The following SLC35F4 variants were observed in gnomAD, a reference collection of about 807,000 sequenced individuals.
SLC35F4 encodes chromosome 14 open reading frame 36.
SLC35F4 carries 24 observed loss-of-function variants against 44.2 expected under a neutral mutation model. That is an observed-to-expected ratio of 0.54 (90% confidence interval 0.39 to 0.76). The LOEUF (loss-of-function observed/expected upper bound fraction) is 0.76, where lower values mean the gene tolerates loss of function less well. Ranked by LOEUF, SLC35F4 falls within the 30% of genes least tolerant of loss-of-function variation. SLC35F4 has a pLI of 0.00. For synonymous variants in SLC35F4, 238 were observed against 223.6 expected (o/e 1.06, Z -0.57); for missense variants, 562 against 586.1 (o/e 0.96, Z 0.42).
chr14:57,770,599 C>T (rs1260694459), intron 1 of SLC35F4, among the ~76,000 whole-genome samples: 2 of 152,278 alleles, frequency 1.3e-5, no homozygotes, highest in South Asian at 2.1e-4. Flanking sequence ...TTCACAGCCT[C>T]TCTCTTCCTT....
chr14:57,868,265 C>T (rs372950776), upstream of SLC35F4, among the ~76,000 whole-genome samples: 67 of 152,144 alleles, frequency 4.4e-4, no homozygotes, highest in African/African-American at 1.5e-3. Context: ...AATAGGATGA[C>T]CAAAATAGTA....
intron 1 of SLC35F4, chr14:57,630,601 G>T: frequency 1.2e-6 from 1 of 865,174 alleles, no homozygotes; most frequent in East Asian, 2.5e-5. Flanking sequence ...GAACCACCTA[G>T]ATCCAAATCT....
At chr14:57,668,888 G>C (rs954765798) in intron 1 of SLC35F4, among the ~76,000 whole-genome samples, 15 of 152,038 alleles carry the variant, frequency 9.9e-5, no homozygotes, top group Non-Finnish European at 1.6e-4. Context: ...TAGCTTGATG[G>C]GGATGGCATT....
At chr14:57,923,987 T>G (rs1889495239) in intron 1 of SLC35F4, among the ~76,000 whole-genome samples, 1 of 152,334 alleles carries the variant, frequency 6.6e-6, no homozygotes, top group Admixed American at 6.5e-5. Flanking sequence ...TCCTGTGCTG[T>G]TCTCATAATA....
intron 1 of SLC35F4, among the ~76,000 whole-genome samples, chr14:57,720,720 C>G (rs2076062693): frequency 6.6e-6 from 1 of 151,988 alleles, no homozygotes; most frequent in African/African-American, 2.4e-5. Flanking sequence ...CTGGGAAAGA[C>G]AGACCCATTG....
At chr14:57,854,426 T>C (rs538414416) in intron 1 of SLC35F4, among the ~76,000 whole-genome samples, 1 of 152,352 alleles carries the variant, frequency 6.6e-6, no homozygotes, top group South Asian at 2.1e-4. Flanking sequence ...GTCTGTTACA[T>C]TTGTGGCTAC....
At chr14:57,790,081 G>A (rs1441676853) in intron 1 of SLC35F4, among the ~76,000 whole-genome samples, 2 of 152,158 alleles carry the variant, frequency 1.3e-5, no homozygotes, top group Admixed American at 6.5e-5. Context: ...TTGAAAAGTG[G>A]CATAAGACAA....
At chr14:57,715,481 G>T (rs1010766893) in intron 1 of SLC35F4, among the ~76,000 whole-genome samples, 1 of 152,168 alleles carries the variant, frequency 6.6e-6, no homozygotes, top group African/African-American at 2.4e-5. Flanking sequence ...ATCTCTATGA[G>T]ATCAAAGGGC....
chr14:57,942,458 T>C (rs1398388191), intron 1 of SLC35F4, among the ~76,000 whole-genome samples: 1 of 152,216 alleles, frequency 6.6e-6, no homozygotes, highest in Non-Finnish European at 1.5e-5. Flanking sequence ...GTAGGTGAGA[T>C]AACTTCAGAT....
At chr14:57,572,375 A>G (rs1289521159) in intron 4 of SLC35F4, among the ~76,000 whole-genome samples, 1 of 152,108 alleles carries the variant, frequency 6.6e-6, no homozygotes, top group Non-Finnish European at 1.5e-5. Flanking sequence ...AAGCGTTTTC[A>G]TCTCTTCTGT....
chr14:57,735,759 A>G (rs2076448595), intron 1 of SLC35F4, among the ~76,000 whole-genome samples: 1 of 150,892 alleles, frequency 6.6e-6, no homozygotes, highest in African/African-American at 2.5e-5. Flanking sequence ...GCTTCACTCT[A>G]TCACTCAGGC....
At chr14:57,863,149 G>A (rs923733274) in intron 1 of SLC35F4, among the ~76,000 whole-genome samples, 1 of 152,218 alleles carries the variant, frequency 6.6e-6, no homozygotes, top group African/African-American at 2.4e-5. Flanking sequence ...TTACAGACAT[G>A]AGCCACTGCA....
intron 1 of SLC35F4, among the ~76,000 whole-genome samples, chr14:57,672,788 T>A (rs953911787): frequency 1.3e-5 from 2 of 151,816 alleles, no homozygotes; most frequent in Admixed American, 1.3e-4. Context: ...ATTTTATTTT[T>A]TTTTTTTCAC....
At chr14:57,772,796 G>C (rs1331169853) in intron 1 of SLC35F4, among the ~76,000 whole-genome samples, 14 of 152,280 alleles carry the variant, frequency 9.2e-5, no homozygotes, top group African/African-American at 3.4e-4. Context: ...TTCATATTGT[G>C]AATAGTGCTG....
chr14:57,757,307 C>G (rs1478501701), intron 1 of SLC35F4, among the ~76,000 whole-genome samples: 1 of 152,094 alleles, frequency 6.6e-6, no homozygotes, highest in East Asian at 1.9e-4. Flanking sequence ...AGCAGGTTTC[C>G]TGTAACAGCA....
intron 1 of SLC35F4, among the ~76,000 whole-genome samples, chr14:57,599,304 C>T (rs1249007615): frequency 6.6e-6 from 1 of 152,164 alleles, no homozygotes; most frequent in African/African-American, 2.4e-5. Flanking sequence ...CCTAAGCCTC[C>T]CACCCTAGCA....
At chr14:57,767,808 G>T (rs1474097983) in intron 1 of SLC35F4, among the ~76,000 whole-genome samples, 1 of 151,782 alleles carries the variant, frequency 6.6e-6, no homozygotes, top group Non-Finnish European at 1.5e-5. Flanking sequence ...AAATCACCAA[G>T]ATCAAGTATG....
chr14:57,832,029 C>T (rs1220744744), intron 1 of SLC35F4, among the ~76,000 whole-genome samples: 2 of 152,184 alleles, frequency 1.3e-5, no homozygotes, highest in East Asian at 3.8e-4. Flanking sequence ...TCAGGAGTCC[C>T]ACTGAGGCTT....
intron 1 of SLC35F4, among the ~76,000 whole-genome samples, chr14:57,620,647 T>C (rs924021261): frequency 7.9e-5 from 12 of 152,198 alleles, no homozygotes; most frequent in Admixed American, 5.2e-4. Flanking sequence ...CAGTATGGTA[T>C]TGGCTGTGGG....
Sources: gnomAD v4.1 joint callset for allele counts (sites outside exome capture counted in the v4.1 genomes callset) on GRCh38, gnomAD v4.1.1 for gene constraint, MANE v1.5 for transcripts, NCBI Gene and HGNC (gene_info 2026-07-23, HGNC 2026-07-21) for gene names.